The following KIF22 variants were observed in gnomAD, a reference collection of about 807,000 sequenced individuals.
KIF22 encodes kinesin family member 22, also known as kinesin-like protein KIF22.
Under a neutral mutation model 73.0 loss-of-function variants are expected in KIF22, and 62 were observed. That is an observed-to-expected ratio of 0.85 (90% CI 0.69 to 1.05). KIF22 has a LOEUF of 1.05. KIF22 is among the 50% of genes least tolerant of loss of function. KIF22 has a pLI of 0.00. For missense variants in KIF22, 854 were observed against 870.1 expected (o/e 0.98, Z 0.23); for synonymous variants, 411 against 340.1 (o/e 1.21, Z -2.29).
At chr16:29,803,250 T>C (rs1899202885) in intron 9 of KIF22, 199 bp from the exon 10 acceptor site, 1 of 647,402 alleles carries the variant, frequency 1.5e-6, no homozygotes, top group East Asian at 2.8e-5. Flanking sequence ...TGCAGAGGCT[T>C]GTTCCACCTC....
intron 8 of KIF22, among the ~76,000 whole-genome samples, chr16:29,800,933 C>A (rs1899117064): frequency 6.6e-6 from 1 of 152,176 alleles, no homozygotes; most frequent in Admixed American, 6.5e-5. Context: ...CAAAACTTCT[C>A]ACTTTGGGAC....
At chr16:29,791,335 G>A in intron 1 of KIF22, 2 of 712,552 alleles carry the variant, frequency 2.8e-6, no homozygotes. Context: ...GGTTTGAGTT[G>A]GCAGCGTAAG....
At chr16:29,795,308 G>A (rs1395352529) in intron 1 of KIF22, among the ~76,000 whole-genome samples, 1 of 152,224 alleles carries the variant, frequency 6.6e-6, no homozygotes, top group South Asian at 2.1e-4. Flanking sequence ...TTTATCAGAT[G>A]ATGGAATGGA....
chr16:29,804,410 G>T (rs1025967105), intron 11 of KIF22: 6 of 619,766 alleles, frequency 9.7e-6, no homozygotes, highest in South Asian at 3.6e-5. Context: ...AACACCACTA[G>T]AACTACCCAA....
chr16:29,797,241 C>A lies in KIF22; in HGVS notation c.266+153C>A. 5.0e-6 allele frequency: 3 copies of A among 595,328 alleles called. No individual in the cohort carries two copies. The highest frequency in any genetic ancestry group is 8.7e-6 in the Non-Finnish European group (3 of 345,182). 36.9% of individuals were successfully genotyped at this position (595,328 alleles called of 1,614,324 possible). ...TTCACTTAGGAAATGTTGACAGGTG[C>A]CCCCATGATGGGCCCTCTCTGGGAT... On this transcript the variant is annotated intron_variant, in intron 2 of 13. Coordinates refer to ENST00000160827, the MANE Select transcript of KIF22 (RefSeq NM_007317.3). The surrounding 1 kb of genome is among the most constrained non-coding windows in gnomAD (Gnocchi z 4.1).
In KIF22 at chr16:29,805,250, T is replaced by G. The variant is rs1596861380; in HGVS notation, c.1951-13T>G. The G allele has an allele frequency of 1.9e-6, 3 of 1,595,286 alleles. No homozygotes were observed. The highest frequency in any genetic ancestry group is 2.5e-6 in the Non-Finnish European group (3 of 1,179,812). On this transcript the variant is annotated splice_polypyrimidine_tract_variant and intron_variant, in intron 13 of 13. Transcript: ENST00000160827. ...TCTCTAACGTCGCTGTCTCCCTCCC[T>G]CCTGTGTTGCAGGCAAACATCCTGG...
At chr16:29,796,741 T>C (rs1485176167) in intron 1 of KIF22, 152 bp from the exon 2 acceptor site, 2 of 660,722 alleles carry the variant, frequency 3.0e-6, no homozygotes, top group Non-Finnish European at 5.2e-6. Flanking sequence ...GGGAAGGCAC[T>C]GAGGCCAAGC....
At chr16:29,801,505 A>G (rs918811892) in intron 8 of KIF22, among the ~76,000 whole-genome samples, 3 of 152,010 alleles carry the variant, frequency 2.0e-5, no homozygotes, top group African/African-American at 7.3e-5. Context: ...GTCTTTCCCA[A>G]ACCATCTGTC....
chr16:29,802,357 C>T (rs1899171469), intron 8 of KIF22, among the ~76,000 whole-genome samples: 1 of 151,742 alleles, frequency 6.6e-6, no homozygotes. Flanking sequence ...CCCAGCTGCC[C>T]ACAGCAGGGA....
chr16:29,800,155 C>T (rs752217214), intron 8 of KIF22, 107 bp downstream of exon 8: 3 of 1,335,012 alleles, frequency 2.2e-6, no homozygotes, highest in African/African-American at 1.5e-5. Flanking sequence ...TTGTTCCTCT[C>T]CCATTAAATT....
chr16:29,792,391 C>T (rs991931504), intron 1 of KIF22: 14 of 984,180 alleles, frequency 1.4e-5, no homozygotes, highest in Non-Finnish European at 1.6e-5. Context: ...CAGGAATGGC[C>T]GTGAGCCATT....
At chr16:29,796,673 T>C (rs899391771) in intron 1 of KIF22, among the ~76,000 whole-genome samples, 1 of 152,120 alleles carries the variant, frequency 6.6e-6, no homozygotes, top group African/African-American at 2.4e-5. Context: ...AGGTTATTTG[T>C]GTATACATTA....
At position 29,803,487 on chromosome 16, in the gene KIF22, G is replaced by T; in HGVS notation, c.1488G>T (p.Met496Ile). 6.2e-7 allele frequency: 1 copy of T among 1,614,134 alleles called. No homozygotes were observed. The highest frequency in any genetic ancestry group is 8.5e-7 in the Non-Finnish European group (1 of 1,179,962). The change falls in exon 10 of 14, where the codon ATG becomes ATT. Residue 496 changes from methionine (M) to isoleucine (I), a missense_variant. Transcript: ENST00000160827. ...AGCAAAAAGAACTGGAGGCCAAGAT[G>T]TTGGCCCAGAAGGCTGAGGAAAAGG... Reference protein sequence around the residue: ...KTKQKELEAKMLAQKAEEKEN... With the variant: ...KTKQKELEAKILAQKAEEKEN...
intron 11 of KIF22, 121 bp from the exon 12 acceptor site, chr16:29,804,693 C>T: frequency 2.5e-6 from 2 of 805,624 alleles, no homozygotes; most frequent in Non-Finnish European, 4.2e-6. Flanking sequence ...TTTGGACACA[C>T]TTGACAAGAG....
chr16:29,796,279 A>AAAG (rs906514700), intron 1 of KIF22, among the ~76,000 whole-genome samples: 1 of 149,642 alleles, frequency 6.7e-6, no homozygotes, highest in Non-Finnish European at 1.5e-5. Flanking sequence ...AAAAAAAAAA[A>AAAG]AAAAAACACA....
At chr16:29,796,076 G>C (rs1898941004) in intron 1 of KIF22, among the ~76,000 whole-genome samples, 1 of 151,968 alleles carries the variant, frequency 6.6e-6, no homozygotes, top group South Asian at 2.1e-4. Context: ...TTTGAGACCA[G>C]CCTGGCCAAC....
Position 29,798,352 on chromosome 16 carries a change from ATTTC to A in KIF22, c.267-11_267-8del, listed in dbSNP as rs794727510. On this transcript the variant is annotated intron_variant, in intron 2 of 13. Coordinates refer to ENST00000160827, the MANE Select transcript of KIF22 (RefSeq NM_007317.3). The surrounding 1 kb of genome is among the most constrained non-coding windows in gnomAD (Gnocchi z 4.1). ...CACACACACACACACACACACGCTA[ATTTC>A]TTTCTTTCTTCCTGCAGGTTTGATG... is the stretch of plus-strand genomic sequence containing the variant. 219,937 of 1,500,482 alleles carry A rather than the reference ATTTC, an allele frequency of 0.15. 15,799 individuals carry two copies. Among genetic ancestry groups the A allele is most frequent in the African/African-American group, 0.15 (10,029 of 65,152 alleles). 92.9% of individuals were successfully genotyped at this position (1,500,482 alleles called of 1,614,324 possible). A position where few individuals can be genotyped will look rare whatever the true frequency, so the allele number is the denominator to read the frequency against.
At chr16:29,802,986 G>T (rs781257402) in intron 9 of KIF22, 49 bp downstream of exon 9, 66 of 1,568,406 alleles carry the variant, frequency 4.2e-5, no homozygotes, top group Non-Finnish European at 5.2e-5. Context: ...GCCTTGAGAA[G>T]CAATCCTTGG....
chr16:29,791,316 C>T, intron 1 of KIF22: 1 of 902,826 alleles, frequency 1.1e-6, no homozygotes, highest in Non-Finnish European at 1.3e-6. Context: ...ACAGACCCGG[C>T]TGCTGCTGGG....
Sources: gnomAD v4.1 joint callset for allele counts (sites outside exome capture counted in the v4.1 genomes callset) on GRCh38, gnomAD v4.1.1 for gene constraint, Gnocchi (gnomAD v3.1) non-coding constraint, MANE v1.5 for transcripts, NCBI Gene and HGNC (gene_info 2026-07-23, HGNC 2026-07-21) for gene names.